HYAL4: variants seen among roughly 807,000 people sequenced by gnomAD.
HYAL4 encodes the protein hyaluronidase-4.
In HYAL4, 37 loss-of-function variants were observed where a neutral mutation model predicts 35.2. The ratio of observed to expected loss-of-function variants is 1.05; its 90% confidence interval spans 0.81 to 1.38. The LOEUF (loss-of-function observed/expected upper bound fraction) is 1.38. HYAL4 is among the 40% of genes most tolerant of loss of function. The pLI is 0.00. For missense variants in HYAL4, 572 were observed against 572.4 expected (o/e 1.00, Z 0.01); for synonymous variants, 198 against 203.2 (o/e 0.97, Z 0.22).
At position 123,876,870 on chromosome 7, in the gene HYAL4, C is replaced by G. The variant is rs150954859; in HGVS notation, c.1161C>G (p.Cys387Trp). ...SLHLCRNNGRCIRKMWNAPSY... is the reference protein window; with the variant it reads ...SLHLCRNNGRWIRKMWNAPSY... ...ACCTCTGCAGGAACAATGGCAGGTG[C>G]ATAAGGAAGATGTGGAACGCGCCCA... The change falls in exon 5 of 5, where the codon TGC (cysteine) becomes TGG (tryptophan). Residue 387 changes from cysteine to tryptophan, a missense_variant. Physicochemically the swap from Cys to Trp is radical, Grantham distance 215. Coordinates refer to ENST00000223026, the MANE Select transcript of HYAL4 (RefSeq NM_012269.3). The G allele has an allele frequency of 6.2e-7, 1 of 1,614,034 alleles. No individual in the cohort carries two copies. The highest frequency in any genetic ancestry group is 1.3e-5 in the African/African-American group (1 of 74,924).
At chr7:123,786,291 A>G in the HYAL4 span, among the ~76,000 whole-genome samples, 4 of 152,232 alleles carry the variant, frequency 2.6e-5, no homozygotes, top group Admixed American at 2.6e-4. Context: ...TTGGGGTGAA[A>G]GAGGTGTCAA....
At chr7:123,763,931 T>TTC in the HYAL4 span, among the ~76,000 whole-genome samples, 3 of 152,220 alleles carry the variant, frequency 2.0e-5, no homozygotes, top group Non-Finnish European at 4.4e-5. Context: ...TTGGAATGTC[T>TTC]TCTCTCCTGT....
chr7:123,828,346 C>G (rs1243526022), upstream of HYAL4, among the ~76,000 whole-genome samples: 2 of 151,310 alleles, frequency 1.3e-5, no homozygotes, highest in African/African-American at 2.4e-5. Context: ...GTTCAAAAAG[C>G]AAATTGCAGA....
intron 2 of HYAL4, among the ~76,000 whole-genome samples, chr7:123,867,112 T>C (rs1806709909): frequency 6.6e-6 from 1 of 152,180 alleles, no homozygotes; most frequent in Non-Finnish European, 1.5e-5. Context: ...TCCAGTGTCT[T>C]CCCTGAGACA....
At chr7:123,866,792 T>C (rs1806697950) in intron 2 of HYAL4, among the ~76,000 whole-genome samples, 2 of 146,720 alleles carry the variant, frequency 1.4e-5, no homozygotes, top group South Asian at 2.2e-4. Flanking sequence ...TCTCTCTCTT[T>C]TTTTTTTTTT....
chr7:123,818,830 G>A, the HYAL4 span, among the ~76,000 whole-genome samples: 1 of 151,806 alleles, frequency 6.6e-6, no homozygotes, highest in Non-Finnish European at 1.5e-5. Flanking sequence ...ATATACAATT[G>A]TATGTATTTA....
In HYAL4 at chr7:123,845,655, G is replaced by A. The variant is rs1806158861; in HGVS notation, c.-152G>A. On this transcript the variant is annotated 5_prime_UTR_variant, in exon 1 of 5. Transcript: ENST00000223026. ...TCTGAATTCTTTTTTAGGAAAATCA[G>A]GAATTTCTTCTTGGTTTGGAGCCAT... 1 of 152,064 alleles carries A rather than the reference G, an allele frequency of 6.6e-6. No individual in the cohort carries two copies. Among genetic ancestry groups the A allele is most frequent in the Non-Finnish European group, 1.5e-5 (1 of 68,018 alleles). The allele number at this position is 152,064 out of a possible 1,614,324, so 9.4% of individuals were successfully genotyped here.
At chr7:123,799,554 C>T in the HYAL4 span, among the ~76,000 whole-genome samples, 1 of 151,244 alleles carries the variant, frequency 6.6e-6, no homozygotes, top group Admixed American at 6.6e-5. Flanking sequence ...TTTGGGAGGC[C>T]AAGGGGTGTG....
chr7:123,802,202 A>AT, the HYAL4 span, among the ~76,000 whole-genome samples: 1 of 152,090 alleles, frequency 6.6e-6, no homozygotes, highest in Non-Finnish European at 1.5e-5. Context: ...TAAAAAGGTT[A>AT]TTTTTTTGCT....
intron 2 of HYAL4, among the ~76,000 whole-genome samples, chr7:123,850,324 C>T (rs373390015): frequency 1.3e-5 from 2 of 152,248 alleles, no homozygotes; most frequent in Admixed American, 6.5e-5. Flanking sequence ...TCACTGCAGC[C>T]TTGAACTCCT....
At chr7:123,801,937 T>C in the HYAL4 span, among the ~76,000 whole-genome samples, 1 of 152,226 alleles carries the variant, frequency 6.6e-6, no homozygotes, top group East Asian at 1.9e-4. Flanking sequence ...GTGCATTTTT[T>C]TCCCCCATGG....
chr7:123,767,185 A>T, the HYAL4 span, among the ~76,000 whole-genome samples: 11 of 152,176 alleles, frequency 7.2e-5, no homozygotes, highest in Non-Finnish European at 1.0e-4. Flanking sequence ...TTGTCCTCAT[A>T]TATTTGGTTC....
chr7:123,774,426 G>C, the HYAL4 span, among the ~76,000 whole-genome samples: 1 of 151,648 alleles, frequency 6.6e-6, no homozygotes, highest in African/African-American at 2.4e-5. Flanking sequence ...ACAAAATCTT[G>C]TCAATTTTCC....
At chr7:123,795,509 G>A in the HYAL4 span, among the ~76,000 whole-genome samples, 1 of 152,066 alleles carries the variant, frequency 6.6e-6, no homozygotes, top group Non-Finnish European at 1.5e-5. Flanking sequence ...TTTAGTCATG[G>A]GGTGTTTTCT....
the HYAL4 span, among the ~76,000 whole-genome samples, chr7:123,800,553 T>C: frequency 6.6e-6 from 1 of 152,030 alleles, no homozygotes; most frequent in Non-Finnish European, 1.5e-5. Context: ...CATATCATCT[T>C]CTATGGTCTA....
intron 1 of HYAL4, among the ~76,000 whole-genome samples, chr7:123,838,970 G>A (rs142012613): frequency 1.1e-3 from 164 of 149,838 alleles, no homozygotes; most frequent in African/African-American, 3.8e-3. Context: ...ATTATTTCTT[G>A]AAGTTTCAAT....
the HYAL4 span, among the ~76,000 whole-genome samples, chr7:123,782,098 A>G: frequency 6.6e-6 from 1 of 152,172 alleles, no homozygotes; most frequent in Non-Finnish European, 1.5e-5. Context: ...TCTGCCTTGC[A>G]TTAAAGCCTG....
the HYAL4 span, among the ~76,000 whole-genome samples, chr7:123,769,595 G>C: frequency 1.3e-5 from 2 of 152,058 alleles, no homozygotes; most frequent in Non-Finnish European, 2.9e-5. Context: ...ATACCGAAAA[G>C]GCTGGCAGCT....
the HYAL4 span, among the ~76,000 whole-genome samples, chr7:123,809,432 G>A: frequency 2.1e-4 from 27 of 130,336 alleles, no homozygotes; most frequent in South Asian, 6.2e-3. Flanking sequence ...GTCTGACTCC[G>A]TTGCCCAGGC....
Sources: allele counts gnomAD v4.1 joint callset (sites outside exome capture counted in the v4.1 genomes callset), GRCh38; gene constraint gnomAD v4.1.1; transcripts MANE v1.5; gene names NCBI Gene and HGNC (gene_info 2026-07-23, HGNC 2026-07-21).